Variants in STRN4 observed in about 807,000 individuals in gnomAD.
The protein encoded by STRN4 is striatin 4.
Under a neutral mutation model 77.9 loss-of-function variants are expected in STRN4, and 27 were observed. The ratio of observed to expected loss-of-function variants is 0.35; its 90% confidence interval spans 0.26 to 0.48. STRN4 has a LOEUF of 0.48. Ranked by LOEUF, STRN4 falls within the 20% of genes least tolerant of loss-of-function variation. The probability of loss-of-function intolerance (pLI) is 0.99; values close to 1 mark genes in which losing one functional copy is unlikely to be tolerated. For missense variants in STRN4, 798 were observed against 1,049.7 expected (o/e 0.76, Z 3.31); for synonymous variants, 466 against 443.1 (o/e 1.05, Z -0.65).
intron 1 of STRN4, among the ~76,000 whole-genome samples, chr19:46,744,157 G>T (rs2054526560): frequency 6.6e-6 from 1 of 152,180 alleles, no homozygotes; most frequent in African/African-American, 2.4e-5. Flanking sequence ...CTAAATTGCA[G>T]CTGGTACCGT....
At position 46,720,613 on chromosome 19, in the gene STRN4, C is replaced by T. The variant is rs754634767; in HGVS notation, c.2251G>A (p.Val751Ile). The change falls in exon 17 of 18, where the codon GTC becomes ATC. Residue 751 changes from valine (V) to isoleucine (I), a missense_variant. Around this residue, in one of 2 missense-constraint regions of STRN4, gnomAD observed 287 missense variants for 473.8 expected, o/e 0.61. Transcript: ENST00000263280. ...GGGCCAGGTGGGCATCATACGAAGA[C>T]CTTGGCCAGGGCATCAGCGCCAGCA... ...ASAGADALAK[V>I]FV 1.9e-6 allele frequency: 3 copies of T among 1,587,240 alleles called. No homozygotes were observed. The highest frequency in any genetic ancestry group is 2.3e-5 in the South Asian group (2 of 86,920).
intron 12 of STRN4, among the ~76,000 whole-genome samples, chr19:46,724,260 A>C (rs557826504): frequency 1.0e-5 from 1 of 100,226 alleles, no homozygotes; most frequent in Non-Finnish European, 2.5e-5. Context: ...AAAAAAAAAA[A>C]AAAAAAAAAA....
chr19:46,734,278 G>C (rs55775235), intron 4 of STRN4, among the ~76,000 whole-genome samples: 10,334 of 152,314 alleles, frequency 0.068, 424 homozygotes, highest in East Asian at 0.095. Context: ...AGAGATCTCA[G>C]TGAGGAGCCA....
intron 1 of STRN4, among the ~76,000 whole-genome samples, 174 bp from the exon 2 acceptor site, chr19:46,739,062 A>G (rs2054426158): frequency 6.6e-6 from 1 of 152,218 alleles, no homozygotes; most frequent in South Asian, 2.1e-4. Flanking sequence ...CTGAGAGGAC[A>G]GGATGGATCT....
At position 46,724,913 on chromosome 19, in the gene STRN4, A is replaced by G; in HGVS notation, c.1488T>C (p.Ala496=). ...AFRAHRGPVL[A]VAMGSNSEYC... Reference sequence around the variant, plus strand: ...ATTCACTGTTGCTGCCCATAGCCACAGCCAACACTGGGCCCCTGGAAGGGA... The same window carrying G: ...ATTCACTGTTGCTGCCCATAGCCACGGCCAACACTGGGCCCCTGGAAGGGA... Residue 496 remains alanine (A), a synonymous_variant, in exon 12 of 18, where the codon GCT becomes GCC. Coordinates refer to ENST00000263280, the MANE Select transcript of STRN4 (RefSeq NM_013403.3). 1.9e-6 allele frequency: 3 copies of G among 1,614,060 alleles called. No individual in the cohort carries two copies. Among genetic ancestry groups the G allele is most frequent in the Non-Finnish European group, 2.5e-6 (3 of 1,180,040 alleles).
chr19:46,733,595 G>A lies in STRN4; in HGVS notation c.540-359C>T. 1 of 237,416 alleles carries A rather than the reference G, an allele frequency of 4.2e-6. No homozygotes were observed. The highest frequency in any genetic ancestry group is 7.6e-5 in the South Asian group (1 of 13,180). The allele number at this position is 237,416 out of a possible 1,614,324, so 14.7% of individuals were successfully genotyped here. Reference sequence around the variant, plus strand: ...TAAGGGAAGCTGGCCACGGTAAACAGCAGAACGAAAACGCTAAGTTCTATG... The same window carrying A: ...TAAGGGAAGCTGGCCACGGTAAACAACAGAACGAAAACGCTAAGTTCTATG... On this transcript the variant is annotated intron_variant, in intron 4 of 17. Transcript: ENST00000263280. The surrounding 1 kb of genome is among the most constrained non-coding windows in gnomAD (Gnocchi z 4.3).
At position 46,737,766 on chromosome 19, in the gene STRN4, C is replaced by T. The variant is rs116286078; in HGVS notation, c.460+398G>A. Among the ~76,000 whole-genome samples the T allele has an allele frequency of 7.4e-3, 1,132 of 152,274 alleles. 11 individuals are homozygous for T. Among genetic ancestry groups the T allele is most frequent in the African/African-American group, 0.026 (1,095 of 41,536 alleles). On this transcript the variant is annotated intron_variant, in intron 3 of 17. Transcript: ENST00000263280. ...CCTGATCTGTGATACAAAGCCTGTACCCTACAAATAAAGTCTTTTTTGGAT... is the reference window on the plus strand; with the variant it reads ...CCTGATCTGTGATACAAAGCCTGTATCCTACAAATAAAGTCTTTTTTGGAT...
In STRN4 at chr19:46,725,451, GCT is replaced by G; in HGVS notation, c.1424+20_1424+21del. 1.9e-6 allele frequency: 3 copies of G among 1,613,756 alleles called. No individual in the cohort carries two copies. Among genetic ancestry groups the G allele is most frequent in the Non-Finnish European group, 2.5e-6 (3 of 1,179,902 alleles). ...CCGTCCCCAGATGCCCCTGCCCCCGGCTCTGAGCTTGCTGCCCTCACTTCTTG... is the reference window on the plus strand; with the variant it reads ...CCGTCCCCAGATGCCCCTGCCCCCGGCTGAGCTTGCTGCCCTCACTTCTTG... On this transcript the variant is annotated intron_variant, in intron 10 of 17. Coordinates refer to ENST00000263280, the MANE Select transcript of STRN4 (RefSeq NM_013403.3).
intron 6 of STRN4, 111 bp from the exon 7 acceptor site, chr19:46,728,888 G>T: frequency 1.4e-6 from 2 of 1,468,736 alleles, no homozygotes; most frequent in South Asian, 1.3e-5. Flanking sequence ...TCTGTTCATG[G>T]GGCTGCCTCA....
At position 46,733,372 on chromosome 19, in the gene STRN4, C is replaced by T. The variant is rs916938238; in HGVS notation, c.540-136G>A. 2.0e-5 allele frequency: 15 copies of T among 756,884 alleles called. No individual in the cohort carries two copies. The highest frequency in any genetic ancestry group is 5.2e-5 in the African/African-American group (3 of 57,408). The allele number at this position is 756,884 out of a possible 1,614,324, so 46.9% of individuals were successfully genotyped here. On this transcript the variant is annotated intron_variant, in intron 4 of 17. Transcript: ENST00000263280. The surrounding 1 kb of genome is among the most constrained non-coding windows in gnomAD (Gnocchi z 4.3). ...CCAAAATCTGACATAAGCACACCCT[C>T]GCTCCAGCAGTTCCCCGTCAAGGCT...
chr19:46,722,371 G>A, intron 14 of STRN4, 31 bp from the exon 15 acceptor site: 1 of 1,602,286 alleles, frequency 6.2e-7, no homozygotes, highest in Non-Finnish European at 8.6e-7. Flanking sequence ...AGGGAAGGAT[G>A]TCAAGCAGAA....
intron 3 of STRN4, among the ~76,000 whole-genome samples, chr19:46,737,321 T>C (rs1039137963): frequency 1.3e-5 from 2 of 152,234 alleles, no homozygotes; most frequent in African/African-American, 2.4e-5. Flanking sequence ...GCTGAGAGGA[T>C]GCAATGAGAT....
At chr19:46,727,418 T>G in intron 9 of STRN4, 34 bp downstream of exon 9, 2 of 1,580,808 alleles carry the variant, frequency 1.3e-6, no homozygotes, top group Non-Finnish European at 1.7e-6. Flanking sequence ...GCAATGCCAA[T>G]GGGGACAGTG....
At chr19:46,728,926 C>A in intron 6 of STRN4, 149 bp from the exon 7 acceptor site, 1 of 1,154,768 alleles carries the variant, frequency 8.7e-7, no homozygotes, top group Non-Finnish European at 1.2e-6. Context: ...CTGGAGCGCC[C>A]CCTGCTGGGC....
chr19:46,733,355 T>A lies in STRN4; in HGVS notation c.540-119A>T. The stretch of plus-strand genomic sequence containing the variant: ...CCACTTAAGAGCATACACCAAAATC[T>A]GACATAAGCACACCCTCGCTCCAGC... On this transcript the variant is annotated intron_variant, in intron 4 of 17. Coordinates refer to ENST00000263280, the MANE Select transcript of STRN4 (RefSeq NM_013403.3). This position sits in a 1 kb window ranked among gnomAD's most constrained non-coding sequence, Gnocchi z 4.3. 1 of 911,040 alleles carries A rather than the reference T, an allele frequency of 1.1e-6. No homozygotes were observed. The highest frequency in any genetic ancestry group is 1.7e-6 in the Non-Finnish European group (1 of 601,492). 56.4% of individuals were successfully genotyped at this position (911,040 alleles called of 1,614,324 possible).
Position 46,738,988 on chromosome 19 carries a change from C to G in STRN4, c.283-100G>C. On this transcript the variant is annotated intron_variant, in intron 1 of 17. Transcript: ENST00000263280. This position sits in a 1 kb window ranked among gnomAD's most constrained non-coding sequence, Gnocchi z 4.5. ...GGTATAGTGCCAGCCCACAGTCACC[C>G]CACAGTAATGGGCAGCAGCCACTTC... 1.0e-6 allele frequency: 1 copy of G among 983,110 alleles called. No individual in the cohort carries two copies. Among genetic ancestry groups the G allele is most frequent in the Non-Finnish European group, 1.6e-6 (1 of 631,676 alleles). 60.9% of individuals were successfully genotyped at this position (983,110 alleles called of 1,614,324 possible).
chr19:46,739,004 C>A, intron 1 of STRN4, 116 bp from the exon 2 acceptor site: 2 of 799,392 alleles, frequency 2.5e-6, no homozygotes, highest in South Asian at 1.5e-5. Flanking sequence ...TAATGGGCAG[C>A]AGCCACTTCC....
chr19:46,734,687 C>T (rs578181461), intron 4 of STRN4, among the ~76,000 whole-genome samples: 2 of 152,274 alleles, frequency 1.3e-5, no homozygotes, highest in South Asian at 2.1e-4. Context: ...GTTGTTAAGA[C>T]AGACTCTTGC....
chr19:46,735,986 T>C (rs1479993653), intron 4 of STRN4, among the ~76,000 whole-genome samples: 1 of 131,186 alleles, frequency 7.6e-6, no homozygotes, highest in Admixed American at 8.0e-5. Flanking sequence ...ATAATGATAA[T>C]AATTTGGCCA....
Sources: allele counts gnomAD v4.1 joint callset (sites outside exome capture counted in the v4.1 genomes callset), GRCh38; gene constraint gnomAD v4.1.1; regional missense constraint gnomAD v4.1.1; non-coding constraint Gnocchi (gnomAD v3.1); transcripts MANE v1.5; gene names NCBI Gene and HGNC (gene_info 2026-07-23, HGNC 2026-07-21).